Variants in PRKAG2 observed in about 807,000 individuals in gnomAD.
The protein encoded by PRKAG2 is protein kinase AMP-activated non-catalytic subunit gamma 2, also known as 5'-AMP-activated protein kinase subunit gamma-2.
In PRKAG2, 26 loss-of-function variants were observed where a neutral mutation model predicts 69.6. The ratio of observed to expected loss-of-function variants is 0.37; its 90% CI spans 0.27 to 0.52. The LOEUF (loss-of-function observed/expected upper bound fraction) is 0.52, where lower values mean the gene tolerates loss of function less well. Ranked by LOEUF, PRKAG2 falls within the 20% of genes least tolerant of loss-of-function variation. The probability of loss-of-function intolerance (pLI) is 0.90; values close to 1 mark genes in which losing one functional copy is unlikely to be tolerated. For missense variants in PRKAG2, 557 were observed against 740.0 expected, an observed-to-expected ratio of 0.75 and a Z score of 2.87; for synonymous variants, 293 against 285.0, an observed-to-expected ratio of 1.03 and a Z score of -0.28.
rs950516986 is a variant in PRKAG2, at chr7:151,740,152, G to A, written c.466+41000C>T. Among the ~76,000 whole-genome samples, 11 of 152,314 alleles carry A rather than the reference G, an allele frequency of 7.2e-5. No individual in the cohort carries two copies. In the South Asian group the frequency reaches 1.5e-3, roughly 20 times the overall value. ...GCTGCCCCTGCTCCCTGATGGAGCC[G>A]ACTGGAGGGACTACCTGGCCAGGCT... On this transcript the variant is annotated intron_variant, in intron 3 of 15. Transcript: ENST00000287878.
At chr7:151,762,222 C>G (rs1374667347) in intron 3 of PRKAG2, among the ~76,000 whole-genome samples, 2 of 152,146 alleles carry the variant, frequency 1.3e-5, no homozygotes, top group African/African-American at 2.4e-5. Context: ...GAAGGCCCTG[C>G]ATGGTAGCCG....
intron 1 of PRKAG2, among the ~76,000 whole-genome samples, chr7:151,832,964 T>C (rs2079072044): frequency 6.6e-6 from 1 of 152,060 alleles, no homozygotes; most frequent in Non-Finnish European, 1.5e-5. Flanking sequence ...GTGGGGGACA[T>C]CTTGGAGGAG....
At chr7:151,769,974 C>T (rs1283028819) in intron 3 of PRKAG2, among the ~76,000 whole-genome samples, 1 of 152,164 alleles carries the variant, frequency 6.6e-6, no homozygotes, top group Non-Finnish European at 1.5e-5. Context: ...CTCTTGGCCA[C>T]GGGGACCCCA....
At chr7:151,825,086 C>T (rs1881627) in intron 1 of PRKAG2, among the ~76,000 whole-genome samples, 146,237 of 152,158 alleles carry the variant, frequency 0.96, 70,544 homozygotes, top group East Asian at 1. Context: ...TGGTGGCAGG[C>T]GCGTGTAATC....
At chr7:151,576,885 T>C (rs1234443193) in intron 6 of PRKAG2, among the ~76,000 whole-genome samples, 1 of 152,240 alleles carries the variant, frequency 6.6e-6, no homozygotes, top group Admixed American at 6.5e-5. Flanking sequence ...CTAAAAATAA[T>C]GGAATTTATT....
chr7:151,706,380 C>T (rs1274676530), intron 3 of PRKAG2, among the ~76,000 whole-genome samples: 2 of 152,236 alleles, frequency 1.3e-5, no homozygotes, highest in Non-Finnish European at 2.9e-5. Context: ...TCCTGCCTCG[C>T]CCTGCCTTTA....
chr7:151,568,441 T>C (rs945866305), intron 11 of PRKAG2, among the ~76,000 whole-genome samples: 2 of 152,250 alleles, frequency 1.3e-5, no homozygotes, highest in African/African-American at 2.4e-5. Flanking sequence ...TCCCCTCATA[T>C]GCTGGTGACA....
chr7:151,688,010 A>AGGG (rs1310012657), intron 3 of PRKAG2, among the ~76,000 whole-genome samples: 2 of 72,284 alleles, frequency 2.8e-5, no homozygotes, highest in Admixed American at 1.3e-4. Flanking sequence ...TTGGAAGGGG[A>AGGG]GGGAGGAGGA....
At chr7:151,767,317 G>A (rs1363710435) in intron 3 of PRKAG2, among the ~76,000 whole-genome samples, 1 of 152,214 alleles carries the variant, frequency 6.6e-6, no homozygotes, top group Admixed American at 6.5e-5. Flanking sequence ...TAAAGATGGG[G>A]TCTCACTCTG....
Position 151,824,876 on chromosome 7 carries a change from A to G in PRKAG2, c.115-38335T>C, listed in dbSNP as rs543559403. Among the ~76,000 whole-genome samples the G allele has an allele frequency of 1.5e-3, 230 of 152,196 alleles. 1 individual carries two copies. Among genetic ancestry groups the G allele is most frequent in the African/African-American group, 3.4e-3 (143 of 41,520 alleles). The stretch of plus-strand genomic sequence containing the variant: ...CCTTCCCTCTCTTTCTTCTGAGTCT[A>G]TTCCCTAATCCTAAATAAACTCAGT... On this transcript the variant is annotated intron_variant, in intron 1 of 15. Transcript: ENST00000287878.
intron 3 of PRKAG2, among the ~76,000 whole-genome samples, chr7:151,733,084 G>A (rs1298506486): frequency 2.6e-5 from 4 of 152,318 alleles, no homozygotes; most frequent in Admixed American, 6.5e-5. Flanking sequence ...GGAGGGCTTG[G>A]TCAACACTCT....
At position 151,638,405 on chromosome 7, in the gene PRKAG2, C is replaced by T. The variant is rs932567399; in HGVS notation, c.685-6267G>A. On this transcript the variant is annotated intron_variant, in intron 4 of 15. Transcript: ENST00000287878. This position sits in a 1 kb window ranked among gnomAD's most constrained non-coding sequence, Gnocchi z 4.3. The stretch of plus-strand genomic sequence containing the variant: ...ATCCCAGCACTTTGGGAGGCCGAGG[C>T]GGGCGGATCACAAGGTCAGGAGATC... Among the ~76,000 whole-genome samples, 3 of 152,134 alleles carry T rather than the reference C, an allele frequency of 2.0e-5. No individual in the cohort carries two copies. Among genetic ancestry groups the T allele is most frequent in the African/African-American group, 7.2e-5 (3 of 41,418 alleles).
chr7:151,865,140 G>A (rs1376257646), intron 1 of PRKAG2, among the ~76,000 whole-genome samples: 2 of 152,192 alleles, frequency 1.3e-5, no homozygotes, highest in Non-Finnish European at 2.9e-5. Context: ...TCCATCCCTT[G>A]AGTCTCAGCC....
chr7:151,700,687 A>T (rs6947707), intron 3 of PRKAG2, among the ~76,000 whole-genome samples: 43,954 of 151,934 alleles, frequency 0.29, 6,840 homozygotes, highest in African/African-American at 0.33. Flanking sequence ...GAGTTCTGGG[A>T]GAAGACTGGG....
chr7:151,747,918 CT>C (rs34915377), intron 3 of PRKAG2, among the ~76,000 whole-genome samples: 21,009 of 114,244 alleles, frequency 0.18, 1,546 homozygotes, highest in African/African-American at 0.28. Flanking sequence ...AAAAAACTTA[CT>C]TTTTTTTTTT....
chr7:151,859,145 C>T (rs1439542423), intron 1 of PRKAG2, among the ~76,000 whole-genome samples: 1 of 152,240 alleles, frequency 6.6e-6, no homozygotes, highest in Non-Finnish European at 1.5e-5. Context: ...CTGGGGCCTC[C>T]AGCAAACAGC....
intron 5 of PRKAG2, among the ~76,000 whole-genome samples, chr7:151,599,861 C>T (rs191991760): frequency 6.6e-6 from 1 of 152,336 alleles, no homozygotes; most frequent in East Asian, 1.9e-4. Context: ...GGCCTGGCCC[C>T]CGCCTACCTC....
intron 5 of PRKAG2, among the ~76,000 whole-genome samples, chr7:151,623,181 A>G (rs1563281026): frequency 6.6e-6 from 1 of 151,962 alleles, no homozygotes; most frequent in Non-Finnish European, 1.5e-5. Context: ...CCTGGCCAAC[A>G]TGGTAAAACC....
chr7:151,802,012 G>C (rs1474743956), intron 1 of PRKAG2, among the ~76,000 whole-genome samples: 1 of 152,148 alleles, frequency 6.6e-6, no homozygotes, highest in Non-Finnish European at 1.5e-5. Flanking sequence ...TGCAGCCCAA[G>C]CCTCTCTGCA....
Sources: gnomAD v4.1 joint callset for allele counts (sites outside exome capture counted in the v4.1 genomes callset) on GRCh38, gnomAD v4.1.1 for gene constraint, Gnocchi (gnomAD v3.1) non-coding constraint, MANE v1.5 for transcripts, NCBI Gene and HGNC (gene_info 2026-07-23, HGNC 2026-07-21) for gene names.